FMO2: variants seen among roughly 807,000 people sequenced by gnomAD.
The protein encoded by FMO2 is flavin-containing monooxygenase 2.
FMO2 carries 33 observed loss-of-function variants against 41.6 expected under a neutral mutation model. The observed-to-expected ratio is 0.79, with a 90% CI of 0.60 to 1.06. The LOEUF (loss-of-function observed/expected upper bound fraction) is 1.06. Among genes scored for constraint, FMO2 ranks in the 50% least tolerant of loss-of-function variants. The probability of loss-of-function intolerance (pLI) is 0.00; values close to 1 mark genes in which losing one functional copy is unlikely to be tolerated. For missense variants in FMO2, 619 were observed against 632.9 expected (o/e 0.98, Z 0.23); for synonymous variants, 214 against 219.6 (o/e 0.97, Z 0.23).
Position 171,210,012 on chromosome 1 carries a change from T to C in FMO2, c.*867T>C, listed in dbSNP as rs1421097253. 2.0e-5 allele frequency: 3 copies of C among 152,216 alleles called. No homozygotes were observed. In the South Asian group the frequency reaches 6.2e-4, roughly 31 times the overall value. 9.4% of individuals were successfully genotyped at this position (152,216 alleles called of 1,614,324 possible). The stretch of plus-strand genomic sequence containing the variant: ...TGTTGAACTCTAGAACTAAAGATCA[T>C]AATGTTGTCTTGTAATATATTTATT... On this transcript the variant is annotated 3_prime_UTR_variant, in exon 9 of 9. Transcript: ENST00000209929.
At chr1:171,188,499 A>G (rs1256153312) in intron 2 of FMO2, among the ~76,000 whole-genome samples, 1 of 152,234 alleles carries the variant, frequency 6.6e-6, no homozygotes, top group Non-Finnish European at 1.5e-5. Flanking sequence ...CAACGAAGTC[A>G]AAGAGTCCAA....
Position 171,211,868 on chromosome 1 carries a change from T to G in FMO2, c.*2723T>G, listed in dbSNP as rs1658998320. 6.6e-6 allele frequency among the ~76,000 whole-genome samples: 1 copy of G among 151,628 alleles called. No homozygotes were observed. The highest frequency in any genetic ancestry group is 2.4e-5 in the African/African-American group (1 of 40,892). ...TAATTCAACCTACTGAATGGAAATCTCTGCTGAAATCCACAGTTTTCATAA... is the reference window on the plus strand; with the variant it reads ...TAATTCAACCTACTGAATGGAAATCGCTGCTGAAATCCACAGTTTTCATAA... On this transcript the variant is annotated 3_prime_UTR_variant, in exon 9 of 9. Transcript: ENST00000209929.
chr1:171,202,798 T>G (rs1384238936), intron 5 of FMO2, among the ~76,000 whole-genome samples: 2 of 152,190 alleles, frequency 1.3e-5, no homozygotes, highest in African/African-American at 4.8e-5. Context: ...ATCTTATGTG[T>G]TTATCAAGTA....
chr1:171,195,228 A>T lies in FMO2; in HGVS notation c.322-1421A>T, dbSNP rs114851564. Among the ~76,000 whole-genome samples, 278 of 152,316 alleles carry T rather than the reference A, an allele frequency of 1.8e-3. 2 individuals carry two copies. Among genetic ancestry groups the T allele is most frequent in the African/African-American group, 6.3e-3 (260 of 41,558 alleles). On this transcript the variant is annotated intron_variant, in intron 3 of 8. Coordinates refer to ENST00000209929, the MANE Select transcript of FMO2 (RefSeq NM_001460.5). ...GTGTAAGTCATAGGTGTTAGAGCTCAACTCGAGAAGCAGGCAAACTGTAAC... is the reference window on the plus strand; with the variant it reads ...GTGTAAGTCATAGGTGTTAGAGCTCTACTCGAGAAGCAGGCAAACTGTAAC...
At chr1:171,191,549 C>T (rs996927605) in intron 2 of FMO2, among the ~76,000 whole-genome samples, 1 of 152,094 alleles carries the variant, frequency 6.6e-6, no homozygotes, top group Non-Finnish European at 1.5e-5. Context: ...TCATTAAAGC[C>T]TTGAAACAAT....
intron 5 of FMO2, among the ~76,000 whole-genome samples, chr1:171,203,347 A>ACT (rs1658616264): frequency 6.6e-6 from 1 of 151,802 alleles, no homozygotes; most frequent in African/African-American, 2.4e-5. Context: ...ACACACACAC[A>ACT]CACACACACA....
At chr1:171,187,083 G>A (rs1490376403) in intron 2 of FMO2, among the ~76,000 whole-genome samples, 1 of 152,232 alleles carries the variant, frequency 6.6e-6, no homozygotes, top group Admixed American at 6.5e-5. Flanking sequence ...GATGGCCAGG[G>A]CCACACAACT....
In FMO2 at chr1:171,188,030, ATTTTTT is replaced by A. The variant is rs67830022; in HGVS notation, c.132+2204_132+2209del. ...GGTTCACATGTAGATTTCAGCTGGA[ATTTTTT>A]TTTTTTTTTTTTTTTTTTGCTCCCA... On this transcript the variant is annotated intron_variant, in intron 2 of 8. Coordinates refer to ENST00000209929, the MANE Select transcript of FMO2 (RefSeq NM_001460.5). 1.1e-4 allele frequency among the ~76,000 whole-genome samples: 11 copies of A among 97,714 alleles called. No individual in the cohort carries two copies. In the East Asian group the frequency reaches 1.4e-3, roughly 13 times the overall value. 64.1% of individuals were successfully genotyped at this position (97,714 alleles called of 152,430 possible). A position where few individuals can be genotyped will look rare whatever the true frequency, so the allele number is the denominator to read the frequency against.
rs769656418 is a variant in FMO2, at chr1:171,199,429, A to G, written c.568A>G (p.Ile190Val). ...ATTTGAGGGAAAACGCATCCTGGTG[A>G]TTGGAATGGGAAACTCAGGCTCAGA... ...DGFEGKRILV[I>V]GMGNSGSDIA... is the part of the protein sequence containing the mutation. Residue 190 changes from isoleucine to valine, a missense_variant, in exon 5 of 9, where the codon ATT becomes GTT. Coordinates refer to ENST00000209929, the MANE Select transcript of FMO2 (RefSeq NM_001460.5). The G allele has an allele frequency of 6.9e-5, 111 of 1,612,702 alleles. 1 individual carries two copies. In the South Asian group the frequency reaches 1.2e-3, roughly 17 times the overall value.
At chr1:171,206,959 T>A (rs6672456) in intron 7 of FMO2, among the ~76,000 whole-genome samples, 5,442 of 152,190 alleles carry the variant, frequency 0.036, 325 homozygotes, top group African/African-American at 0.12. Flanking sequence ...GAGAGGAATC[T>A]AGGAGGACTT....
chr1:171,200,082 T>G (rs1297894211), intron 5 of FMO2, among the ~76,000 whole-genome samples: 1 of 152,188 alleles, frequency 6.6e-6, no homozygotes, highest in East Asian at 1.9e-4. Flanking sequence ...GGAGGGTGGC[T>G]TTTAGAAATT....
At position 171,210,619 on chromosome 1, in the gene FMO2, T is replaced by G. The variant is rs971824645; in HGVS notation, c.*1474T>G. ...TCTGTCCTGAGTCCAAACCAAGCCCTTCCAAGAGAGAACAAAGGTCAGAGA... is the reference window on the plus strand; with the variant it reads ...TCTGTCCTGAGTCCAAACCAAGCCCGTCCAAGAGAGAACAAAGGTCAGAGA... On this transcript the variant is annotated 3_prime_UTR_variant, in exon 9 of 9. Coordinates refer to ENST00000209929, the MANE Select transcript of FMO2 (RefSeq NM_001460.5). The G allele has an allele frequency of 3.3e-5, 5 of 152,238 alleles. No individual in the cohort carries two copies. Among genetic ancestry groups the G allele is most frequent in the African/African-American group, 9.6e-5 (4 of 41,460 alleles). 9.4% of individuals were successfully genotyped at this position (152,238 alleles called of 1,614,324 possible).
rs1367444018 is a variant in FMO2 at position 171,210,990 on chromosome 1, T to C, written c.*1845T>C. ...TACACCAGAATTTACAGGCAAGATT[T>C]TTTTTTTCATTGCTCCCATAAGCAA... is the stretch of plus-strand genomic sequence containing the variant. On this transcript the variant is annotated 3_prime_UTR_variant, in exon 9 of 9. Coordinates refer to ENST00000209929, the MANE Select transcript of FMO2 (RefSeq NM_001460.5). 6.6e-6 allele frequency: 1 copy of C among 152,222 alleles called. No individual in the cohort carries two copies. Among genetic ancestry groups the C allele is most frequent in the Non-Finnish European group, 1.5e-5 (1 of 68,042 alleles). The allele number at this position is 152,222 out of a possible 1,614,324, so 9.4% of individuals were successfully genotyped here. A position where few individuals can be genotyped will look rare whatever the true frequency, so the allele number is the denominator to read the frequency against.
chr1:171,189,368 T>C (rs867166975), intron 2 of FMO2, among the ~76,000 whole-genome samples: 2 of 129,996 alleles, frequency 1.5e-5, no homozygotes, highest in South Asian at 2.9e-4. Context: ...TATCACTTTC[T>C]CTCTTAAATT....
At chr1:171,199,208 A>T (rs1236784015) in intron 4 of FMO2, 138 bp from the exon 5 acceptor site, 1 of 766,262 alleles carries the variant, frequency 1.3e-6, no homozygotes, top group East Asian at 2.9e-5. Flanking sequence ...AAACTTTCTT[A>T]TGTGCTTTAC....
chr1:171,185,772 G>T lies in FMO2; in HGVS notation c.59G>T (p.Cys20Phe). The change falls in exon 2 of 9, where the codon TGC (cysteine) becomes TTC (phenylalanine). Residue 20 changes from cysteine (C) to phenylalanine (F), a missense_variant. Coordinates refer to ENST00000209929, the MANE Select transcript of FMO2 (RefSeq NM_001460.5). Reference sequence around the variant, plus strand: ...GTCAGTGGCCTAATTTCTCTGAAGTGCTGTGTGGATGAGGGACTTGAGCCC... The same window carrying T: ...GTCAGTGGCCTAATTTCTCTGAAGTTCTGTGTGGATGAGGGACTTGAGCCC... ...AGVSGLISLKCCVDEGLEPTC... is the reference protein window; with the variant it reads ...AGVSGLISLKFCVDEGLEPTC... The T allele has an allele frequency of 1.9e-6, 3 of 1,613,856 alleles. No homozygotes were observed. Among genetic ancestry groups the T allele is most frequent in the African/African-American group, 2.7e-5 (2 of 75,026 alleles).
intron 2 of FMO2, among the ~76,000 whole-genome samples, chr1:171,191,860 C>CAAAA (rs61114452): frequency 4.1e-5 from 3 of 73,752 alleles, no homozygotes; most frequent in African/African-American, 1.1e-4. Flanking sequence ...CTCATCTCTA[C>CAAAA]AAAAAAAAAA....
intron 7 of FMO2, among the ~76,000 whole-genome samples, chr1:171,207,351 C>T (rs1409278191): frequency 1.3e-5 from 2 of 152,102 alleles, no homozygotes; most frequent in African/African-American, 4.8e-5. Context: ...CAGATCTTTC[C>T]AAAAAATAAA....
intron 3 of FMO2, among the ~76,000 whole-genome samples, chr1:171,194,398 T>G (rs1310415240): frequency 6.6e-6 from 1 of 152,242 alleles, no homozygotes; most frequent in East Asian, 1.9e-4. Context: ...TAATTAAGCA[T>G]GCTGAATTTT....
Sources: gnomAD v4.1 joint callset for allele counts (sites outside exome capture counted in the v4.1 genomes callset) on GRCh38, gnomAD v4.1.1 for gene constraint, MANE v1.5 for transcripts, NCBI Gene and HGNC (gene_info 2026-07-23, HGNC 2026-07-21) for gene names.